The following CTTNBP2 variants were observed in gnomAD, a reference collection of about 807,000 sequenced individuals.
CTTNBP2 encodes cortactin-binding protein 2.
A neutral mutation model predicts 156.9 loss-of-function variants in CTTNBP2; 108 were observed. That is an observed-to-expected ratio of 0.69 (90% confidence interval 0.59 to 0.81). The LOEUF (loss-of-function observed/expected upper bound fraction) is 0.81, where lower values mean the gene tolerates loss of function less well. Ranked by LOEUF, CTTNBP2 falls within the 30% of genes least tolerant of loss-of-function variation. The pLI is 0.00. For missense variants in CTTNBP2, 1,924 were observed against 2,035.4 expected, an observed-to-expected ratio of 0.95 and a Z score of 1.05; for synonymous variants, 767 against 751.8, an observed-to-expected ratio of 1.02 and a Z score of -0.33.
chr7:117,840,578 T>C (rs1374781705), intron 2 of CTTNBP2, among the ~76,000 whole-genome samples: 3 of 152,188 alleles, frequency 2.0e-5, no homozygotes, highest in Non-Finnish European at 2.9e-5. Flanking sequence ...GTCCTTTCCA[T>C]ACATGTAAAC....
chr7:117,865,511 A>G (rs1222491338), intron 1 of CTTNBP2, among the ~76,000 whole-genome samples: 1 of 150,990 alleles, frequency 6.6e-6, no homozygotes, highest in African/African-American at 2.4e-5. Context: ...AATACAAAAA[A>G]AAAAAAGAAA....
chr7:117,719,658 C>G (rs188569775), intron 20 of CTTNBP2, 22 bp from the exon 21 acceptor site: 1 of 1,593,344 alleles, frequency 6.3e-7, no homozygotes, highest in Non-Finnish European at 8.6e-7. Flanking sequence ...TTCAGAAAAA[C>G]GTTTTTCAAA....
In CTTNBP2 at chr7:117,720,944, CTT is replaced by C. The variant is rs1208467021; in HGVS notation, c.4511+121_4511+122del. On this transcript the variant is annotated intron_variant, in intron 20 of 22. Transcript: ENST00000160373. ...ATCAGCATTTGAATGACATATATAACTTTTTTAAAACCATATTAACATAATAG... is the reference window on the plus strand; with the variant it reads ...ATCAGCATTTGAATGACATATATAACTTTTAAAACCATATTAACATAATAG... 4.3e-5 allele frequency: 32 copies of C among 736,202 alleles called. No homozygotes were observed. In the East Asian group the frequency reaches 6.2e-4, roughly 14 times the overall value. 45.6% of individuals were successfully genotyped at this position (736,202 alleles called of 1,614,324 possible).
intron 22 of CTTNBP2, among the ~76,000 whole-genome samples, chr7:117,716,914 A>T (rs1794412096): frequency 6.6e-6 from 1 of 152,224 alleles, no homozygotes; most frequent in Non-Finnish European, 1.5e-5. Context: ...ATAACTTAAT[A>T]GTCTCACCAT....
chr7:117,760,495 T>C lies in CTTNBP2; in HGVS notation c.3112A>G (p.Asn1038Asp), dbSNP rs773531028. The change falls in exon 10 of 23, where the codon AAT becomes GAT. Residue 1038 changes from asparagine (N) to aspartate (D), a missense_variant. Asn to Asp is a conservative substitution (Grantham distance 23, BLOSUM62 1). Transcript: ENST00000160373. Reference protein sequence around the residue: ...GWWSLEDVTCNNTTDSNIGLS... With the variant: ...GWWSLEDVTCDNTTDSNIGLS... ...CCGATGTTGGAATCAGTGGTGTTAT[T>C]GCAAGTCACGTCTTCCAGACTCCAC... is the stretch of plus-strand genomic sequence containing the variant. 1.9e-6 allele frequency: 3 copies of C among 1,614,054 alleles called. No individual in the cohort carries two copies. The highest frequency in any genetic ancestry group is 2.2e-5 in the South Asian group (2 of 91,094).
chr7:117,716,938 TC>T (rs1430033764), intron 22 of CTTNBP2, among the ~76,000 whole-genome samples: 2 of 152,252 alleles, frequency 1.3e-5, no homozygotes, highest in African/African-American at 4.8e-5. Flanking sequence ...TACTTTATAA[TC>T]CTGCTCTCTG....
chr7:117,716,165 TAGTATAAA>T (rs1260142648), intron 22 of CTTNBP2, among the ~76,000 whole-genome samples: 1 of 112,554 alleles, frequency 8.9e-6, no homozygotes, highest in Non-Finnish European at 2.0e-5. Context: ...AGAGCCCAGA[TAGTATAAA>T]AGGACTCGCT....
At chr7:117,769,532 T>TA (rs1243630019) in intron 8 of CTTNBP2, among the ~76,000 whole-genome samples, 3 of 152,210 alleles carry the variant, frequency 2.0e-5, no homozygotes, top group Non-Finnish European at 4.4e-5. Context: ...ATGTGGCCAT[T>TA]AAAAAAGTAA....
intron 16 of CTTNBP2, among the ~76,000 whole-genome samples, chr7:117,730,853 A>T (rs1037149248): frequency 4.2e-5 from 6 of 141,908 alleles, no homozygotes; most frequent in African/African-American, 1.6e-4. Flanking sequence ...TTTTATCTTC[A>T]TTAATATTCA....
chr7:117,778,474 T>C (rs978429584), intron 7 of CTTNBP2, among the ~76,000 whole-genome samples: 3 of 152,222 alleles, frequency 2.0e-5, no homozygotes, highest in Non-Finnish European at 2.9e-5. Flanking sequence ...GAGGTATTAA[T>C]AGAAGTCCTT....
At chr7:117,719,858 CT>C (rs1794682605) in intron 20 of CTTNBP2, among the ~76,000 whole-genome samples, 1 of 152,156 alleles carries the variant, frequency 6.6e-6, no homozygotes, top group Non-Finnish European at 1.5e-5. Flanking sequence ...TCACAAAGAA[CT>C]TCACTTTGAT....
At chr7:117,815,484 C>T (rs1774613395) in intron 2 of CTTNBP2, among the ~76,000 whole-genome samples, 1 of 152,114 alleles carries the variant, frequency 6.6e-6, no homozygotes, top group East Asian at 1.9e-4. Context: ...ATCCTACCCC[C>T]AGTGGATGAG....
intron 3 of CTTNBP2, among the ~76,000 whole-genome samples, chr7:117,797,521 A>G (rs1449874184): frequency 6.6e-6 from 1 of 152,204 alleles, no homozygotes; most frequent in Non-Finnish European, 1.5e-5. Flanking sequence ...ATTAGTGACA[A>G]GGATTTTAAA....
intron 4 of CTTNBP2, among the ~76,000 whole-genome samples, chr7:117,785,492 T>C (rs1356113543): frequency 1.3e-5 from 2 of 152,238 alleles, no homozygotes; most frequent in African/African-American, 4.8e-5. Flanking sequence ...TGTGCATATG[T>C]ACATATATTC....
rs773535664 is a variant in CTTNBP2, at chr7:117,791,680, C to A, written c.1516G>T (p.Ala506Ser). ...GGGGGCACTCCAGGCCTTGAGGGAG[C>A]ACCTGCTTGAGGGCTTGTAAATCTT... is the stretch of plus-strand genomic sequence containing the variant. ...LSRFTSPQAGAPSRPGVPPTG... is the reference protein window; with the variant it reads ...LSRFTSPQAGSPSRPGVPPTG... Residue 506 changes from alanine to serine, a missense_variant, in exon 4 of 23, where the codon GCT (alanine) becomes TCT (serine). Ala to Ser is a moderately conservative substitution (Grantham distance 99, BLOSUM62 1). Transcript: ENST00000160373. The A allele has an allele frequency of 6.2e-7, 1 of 1,614,186 alleles. No individual in the cohort carries two copies. The highest frequency in any genetic ancestry group is 1.1e-5 in the South Asian group (1 of 91,084).
At chr7:117,802,154 G>A (rs552107147) in intron 3 of CTTNBP2, among the ~76,000 whole-genome samples, 18 of 147,330 alleles carry the variant, frequency 1.2e-4, no homozygotes, top group Admixed American at 4.2e-4. Context: ...GAGAATATGC[G>A]GTGTTTGGTT....
At chr7:117,799,336 G>A (rs1799487661) in intron 3 of CTTNBP2, among the ~76,000 whole-genome samples, 1 of 151,798 alleles carries the variant, frequency 6.6e-6, no homozygotes, top group African/African-American at 2.4e-5. Flanking sequence ...TTTACCTTAG[G>A]GGTCTAAGTT....
At chr7:117,723,724 T>C (rs1159419474) in intron 19 of CTTNBP2, among the ~76,000 whole-genome samples, 1 of 151,834 alleles carries the variant, frequency 6.6e-6, no homozygotes, top group Non-Finnish European at 1.5e-5. Context: ...TCCAATTTAT[T>C]AGAATATAAA....
intron 16 of CTTNBP2, among the ~76,000 whole-genome samples, chr7:117,731,749 C>T (rs1464362883): frequency 3.3e-5 from 5 of 152,188 alleles, no homozygotes; most frequent in African/African-American, 7.2e-5. Context: ...AGGAAGTCGG[C>T]GGGGGAAGCC....
Sources: gnomAD v4.1 joint callset for allele counts (sites outside exome capture counted in the v4.1 genomes callset) on GRCh38, gnomAD v4.1.1 for gene constraint, MANE v1.5 for transcripts, NCBI Gene and HGNC (gene_info 2026-07-23, HGNC 2026-07-21) for gene names.